The following PNLIPRP3 variants were observed in gnomAD, a reference collection of about 807,000 sequenced individuals.
PNLIPRP3 encodes pancreatic lipase related protein 3.
Under a neutral mutation model 52.8 loss-of-function variants are expected in PNLIPRP3, and 58 were observed. That is an observed-to-expected ratio of 1.10 (90% CI 0.89 to 1.37). The LOEUF is 1.37. Among genes scored for constraint, PNLIPRP3 ranks in the 40% most tolerant of loss-of-function variants. The probability of loss-of-function intolerance (pLI) is 0.00; values close to 1 mark genes in which losing one functional copy is unlikely to be tolerated. For synonymous variants in PNLIPRP3, 192 were observed against 185.0 expected (o/e 1.04, Z -0.31); for missense variants, 593 against 561.6 (o/e 1.06, Z -0.57).
intron 1 of PNLIPRP3, among the ~76,000 whole-genome samples, chr10:116,436,009 G>A (rs1487175270): frequency 6.6e-6 from 1 of 152,202 alleles, no homozygotes; most frequent in Non-Finnish European, 1.5e-5. Flanking sequence ...TAAACAAATG[G>A]AACAGAGTAG....
intron 4 of PNLIPRP3, among the ~76,000 whole-genome samples, chr10:116,446,271 G>A (rs1356069121): frequency 4.8e-5 from 7 of 147,358 alleles, no homozygotes; most frequent in East Asian, 2.0e-4. Flanking sequence ...GTGTGAACCC[G>A]GGAGGCGGAG....
At chr10:116,440,161 T>C in intron 2 of PNLIPRP3, 13 of 592,052 alleles carry the variant, frequency 2.2e-5, no homozygotes, top group South Asian at 4.2e-5. Context: ...GGCATATTTA[T>C]CCACTTAGGA....
intron 2 of PNLIPRP3, chr10:116,439,477 A>T (rs1845826324): frequency 2.8e-6 from 2 of 705,488 alleles, no homozygotes; most frequent in African/African-American, 1.8e-5. Flanking sequence ...TCCTCCTCCT[A>T]TTCTTCCTCC....
chr10:116,454,273 C>T (rs1846081043), intron 4 of PNLIPRP3, among the ~76,000 whole-genome samples: 1 of 152,106 alleles, frequency 6.6e-6, no homozygotes, highest in African/African-American at 2.4e-5. Flanking sequence ...CACACACCAC[C>T]ACGACTGGCT....
chr10:116,468,182 A>G (rs1281708975), intron 8 of PNLIPRP3, among the ~76,000 whole-genome samples: 2 of 143,912 alleles, frequency 1.4e-5, no homozygotes. Context: ...CCATCTTTGT[A>G]TGTCTCTTTA....
intron 4 of PNLIPRP3, among the ~76,000 whole-genome samples, chr10:116,448,098 A>T (rs1845981880): frequency 6.6e-6 from 1 of 152,162 alleles, no homozygotes; most frequent in Admixed American, 6.5e-5. Context: ...TGGAAATATA[A>T]AACTCTCTGG....
chr10:116,440,943 G>A (rs1452253386), intron 2 of PNLIPRP3, among the ~76,000 whole-genome samples: 1 of 152,136 alleles, frequency 6.6e-6, no homozygotes, highest in Non-Finnish European at 1.5e-5. Context: ...TACCTATTAT[G>A]CTTCATGTCT....
intron 4 of PNLIPRP3, among the ~76,000 whole-genome samples, chr10:116,447,672 A>G (rs1435460722): frequency 6.6e-6 from 1 of 152,240 alleles, no homozygotes; most frequent in Non-Finnish European, 1.5e-5. Flanking sequence ...GTGGTGGCCC[A>G]TGCCTGCAAT....
chr10:116,441,782 C>T (rs1845862310), intron 2 of PNLIPRP3, among the ~76,000 whole-genome samples: 3 of 152,224 alleles, frequency 2.0e-5, no homozygotes, highest in Admixed American at 1.3e-4. Flanking sequence ...GTTACTTGGC[C>T]CCTCAGAGTC....
chr10:116,434,971 C>G (rs1266040485), intron 1 of PNLIPRP3, among the ~76,000 whole-genome samples: 1 of 152,058 alleles, frequency 6.6e-6, no homozygotes, highest in African/African-American at 2.4e-5. Flanking sequence ...GAGGCATGAT[C>G]CAAATATGGA....
chr10:116,444,529 TTTTTTTTAA>T lies in PNLIPRP3; in HGVS notation c.456+19_456+27del. 1.3e-6 allele frequency: 2 copies of T among 1,587,486 alleles called. No individual in the cohort carries two copies. Among genetic ancestry groups the T allele is most frequent in the Non-Finnish European group, 1.7e-6 (2 of 1,170,690 alleles). Reference sequence around the variant, plus strand: ...TGTTCTCATGGTAAGAAGAGTTGATTTTTTTTTAATTATATTGAATTGGTTTTGGATATT... The same window carrying T: ...TGTTCTCATGGTAAGAAGAGTTGATTTTATATTGAATTGGTTTTGGATATT... On this transcript the variant is annotated intron_variant, in intron 4 of 11. Transcript: ENST00000369230.
At chr10:116,453,012 A>G (rs1846061091) in intron 4 of PNLIPRP3, among the ~76,000 whole-genome samples, 1 of 152,248 alleles carries the variant, frequency 6.6e-6, no homozygotes, top group Non-Finnish European at 1.5e-5. Flanking sequence ...CCATGATTAT[A>G]AAAACTGGCA....
chr10:116,443,136 T>C lies in PNLIPRP3; in HGVS notation c.286T>C (p.Trp96Arg), dbSNP rs775360455. The C allele has an allele frequency of 1.9e-6, 3 of 1,611,522 alleles. No homozygotes were observed. Among genetic ancestry groups the C allele is most frequent in the Admixed American group, 3.3e-5 (2 of 59,870 alleles). ...DKITRINIAG[W>R]KTDGKWQRDM... is the part of the protein sequence containing the mutation. ...GATCACCCGTATCAACATAGCTGGA[T>C]GGAAAACAGATGGCAAATGGCAGAG... Residue 96 changes from tryptophan to arginine, a missense_variant, in exon 3 of 12, where the codon TGG becomes CGG. Physicochemically the swap from Trp to Arg is moderately radical, Grantham distance 101. Coordinates refer to ENST00000369230, the MANE Select transcript of PNLIPRP3 (RefSeq NM_001011709.3).
At chr10:116,476,609 T>C in intron 10 of PNLIPRP3, 43 bp from the exon 11 acceptor site, 1 of 1,472,570 alleles carries the variant, frequency 6.8e-7, no homozygotes, top group South Asian at 1.4e-5. Flanking sequence ...TTCAGTGCTG[T>C]GAATACCCAG....
At chr10:116,459,114 G>C (rs1363631121) in intron 5 of PNLIPRP3, among the ~76,000 whole-genome samples, 1 of 151,846 alleles carries the variant, frequency 6.6e-6, no homozygotes, top group Admixed American at 6.6e-5. Context: ...GCATCTTCTT[G>C]GTTGTCTTTG....
intron 9 of PNLIPRP3, among the ~76,000 whole-genome samples, 153 bp from the exon 10 acceptor site, chr10:116,471,615 C>T (rs1423295166): frequency 1.3e-5 from 2 of 152,284 alleles, no homozygotes; most frequent in East Asian, 3.9e-4. Context: ...ACCAAATTCA[C>T]TGAAACTAAA....
chr10:116,444,328 G>T (rs188702367), intron 3 of PNLIPRP3, 54 bp from the exon 4 acceptor site: 6 of 1,447,820 alleles, frequency 4.1e-6, no homozygotes, highest in Admixed American at 4.4e-5. Flanking sequence ...GTTGAGACAC[G>T]TCGGTTTCCT....
chr10:116,465,141 AG>A (rs1205408899), intron 7 of PNLIPRP3, among the ~76,000 whole-genome samples: 1 of 152,200 alleles, frequency 6.6e-6, no homozygotes, highest in Non-Finnish European at 1.5e-5. Context: ...ACCCAAAGGC[AG>A]GTAGTCCCCA....
At position 116,444,417 on chromosome 10, in the gene PNLIPRP3, T is replaced by C. The variant is rs765896457; in HGVS notation, c.360T>C (p.Asn120=). The part of the protein sequence containing the change: ...LLQLEDINCI[N]LDWINGSREY... Reference sequence around the variant, plus strand: ...AGCTGGAAGATATAAATTGCATTAATTTAGATTGGATCAACGGTTCACGGG... The same window carrying C: ...AGCTGGAAGATATAAATTGCATTAACTTAGATTGGATCAACGGTTCACGGG... Residue 120 remains asparagine, a synonymous_variant, in exon 4 of 12, where the codon AAT becomes AAC. Coordinates refer to ENST00000369230, the MANE Select transcript of PNLIPRP3 (RefSeq NM_001011709.3). The C allele has an allele frequency of 2.5e-6, 4 of 1,611,992 alleles. No individual in the cohort carries two copies. The highest frequency in any genetic ancestry group is 1.7e-4 in the Middle Eastern group (1 of 6,056).
Sources: gnomAD v4.1 joint callset for allele counts (sites outside exome capture counted in the v4.1 genomes callset) on GRCh38, gnomAD v4.1.1 for gene constraint, MANE v1.5 for transcripts, NCBI Gene and HGNC (gene_info 2026-07-23, HGNC 2026-07-21) for gene names.